The following IL17RD variants were observed in gnomAD, a reference collection of about 807,000 sequenced individuals.
IL17RD encodes interleukin-17 receptor D.
IL17RD carries 52 observed loss-of-function variants against 80.5 expected under a neutral mutation model. The ratio of observed to expected loss-of-function variants is 0.65; its 90% confidence interval spans 0.52 to 0.81. The LOEUF (loss-of-function observed/expected upper bound fraction) is 0.81. Ranked by LOEUF, IL17RD falls within the 40% of genes least tolerant of loss-of-function variation. The pLI is 0.00. For missense variants in IL17RD, 1,024 were observed against 955.1 expected, an observed-to-expected ratio of 1.07 and a Z score of -0.95; for synonymous variants, 416 against 391.8, an observed-to-expected ratio of 1.06 and a Z score of -0.73.
At position 57,095,820 on chromosome 3, in the gene IL17RD, C is replaced by T. The variant is rs1706658149; in HGVS notation, c.*573G>A. On this transcript the variant is annotated 3_prime_UTR_variant, in exon 13 of 13. Transcript: ENST00000296318. ...CAGAGACTCATTTCATAAAAGGTGA[C>T]TGTATATTCAGTCACTTTCTTGACT... 1 of 153,606 alleles carries T rather than the reference C, an allele frequency of 6.5e-6. No individual in the cohort carries two copies. The highest frequency in any genetic ancestry group is 1.4e-5 in the Non-Finnish European group (1 of 68,994). 9.5% of individuals were successfully genotyped at this position (153,606 alleles called of 1,614,324 possible).
rs1463932863 is a variant in IL17RD, at chr3:57,101,297, CTT to C, written c.1044_1045del (p.Arg351AlafsTer14). ...CTTCGGCCGCGGCCGGAGCCTCTCT[CTT>C]GGGAGTGCTGCAGTGTATGTGGAAG... On this transcript the variant is annotated frameshift_variant, in exon 11 of 13. Transcript: ENST00000296318. LOFTEE classifies it high-confidence loss of function. 1.9e-6 allele frequency: 3 copies of C among 1,613,226 alleles called. No individual in the cohort carries two copies. Among genetic ancestry groups the C allele is most frequent in the East Asian group, 2.2e-5 (1 of 44,900 alleles).
At chr3:57,159,632 G>A (rs1319323521) in intron 1 of IL17RD, among the ~76,000 whole-genome samples, 2 of 152,102 alleles carry the variant, frequency 1.3e-5, no homozygotes, top group East Asian at 1.9e-4. Context: ...TGTAGCTCCA[G>A]CACAGACAGC....
intron 1 of IL17RD, among the ~76,000 whole-genome samples, chr3:57,123,746 A>AT (rs1219793059): frequency 6.6e-6 from 1 of 152,178 alleles, no homozygotes; most frequent in Admixed American, 6.6e-5. Context: ...TCTTACATGC[A>AT]TTTTAAAGAC....
chr3:57,149,331 C>T (rs1304316968), intron 1 of IL17RD, among the ~76,000 whole-genome samples: 1 of 151,318 alleles, frequency 6.6e-6, no homozygotes, highest in Non-Finnish European at 1.5e-5. Flanking sequence ...CTTCACTCGG[C>T]AGAATTGTCC....
At chr3:57,122,905 C>G (rs1707371989) in intron 1 of IL17RD, among the ~76,000 whole-genome samples, 2 of 152,026 alleles carry the variant, frequency 1.3e-5, no homozygotes, top group Non-Finnish European at 2.9e-5. Context: ...GACCAATCAC[C>G]TTACTTGTCA....
At chr3:57,131,550 C>T (rs555053706) in intron 1 of IL17RD, among the ~76,000 whole-genome samples, 1 of 152,280 alleles carries the variant, frequency 6.6e-6, no homozygotes, top group African/African-American at 2.4e-5. Context: ...TATCCTGAGG[C>T]CTTCAGAAAA....
At chr3:57,170,053 T>A (rs1266147694), upstream of IL17RD, among the ~76,000 whole-genome samples, 1 of 152,136 alleles carries the variant, frequency 6.6e-6, no homozygotes, top group Non-Finnish European at 1.5e-5. Context: ...CTCAGCTGAT[T>A]CCTCCAGACT....
In IL17RD at chr3:57,097,933, A is replaced by G. The variant is rs1706724909; in HGVS notation, c.1770T>C (p.Asp590=). The part of the protein sequence containing the change: ...EKFDSGLVLN[D]VMCKPGPESD... ...TCTCAGGCCCTGGTTTGCACATGAC[A>G]TCATTTAAAACCAAGCCCGAATCAA... The change falls in exon 12 of 13, where the codon GAT becomes GAC. Residue 590 remains aspartate, a synonymous_variant. Transcript: ENST00000296318. 2.5e-6 allele frequency: 4 copies of G among 1,614,048 alleles called. No homozygotes were observed. The highest frequency in any genetic ancestry group is 3.4e-6 in the Non-Finnish European group (4 of 1,179,904).
chr3:57,141,087 A>G (rs538573432), intron 1 of IL17RD, among the ~76,000 whole-genome samples: 50 of 152,116 alleles, frequency 3.3e-4, no homozygotes, highest in African/African-American at 1.2e-3. Flanking sequence ...TTCTTTGTAG[A>G]GATGGGGTCT....
chr3:57,164,246 G>A (rs1230160408), intron 1 of IL17RD, among the ~76,000 whole-genome samples: 1 of 152,222 alleles, frequency 6.6e-6, no homozygotes, highest in Non-Finnish European at 1.5e-5. Flanking sequence ...GCCCACCCGG[G>A]CCTCGGTGGG....
intron 1 of IL17RD, among the ~76,000 whole-genome samples, chr3:57,137,045 T>C (rs1202691958): frequency 6.6e-6 from 1 of 151,850 alleles, no homozygotes; most frequent in Non-Finnish European, 1.5e-5. Context: ...AGCTTTGGGG[T>C]TGCGGAGGGG....
At chr3:57,141,604 T>A (rs1707829703) in intron 1 of IL17RD, among the ~76,000 whole-genome samples, 1 of 152,246 alleles carries the variant, frequency 6.6e-6, no homozygotes, top group Non-Finnish European at 1.5e-5. Context: ...TGAAGGTCTA[T>A]TTTTTGTACA....
chr3:57,143,870 C>G (rs1707876781), intron 1 of IL17RD, among the ~76,000 whole-genome samples: 1 of 152,210 alleles, frequency 6.6e-6, no homozygotes, highest in Non-Finnish European at 1.5e-5. Flanking sequence ...CAAATTAGAA[C>G]ACAGCGTTAC....
In IL17RD at chr3:57,114,946, A is replaced by G. The variant is rs1707180841; in HGVS notation, c.185-129T>C. 9.1e-6 allele frequency: 6 copies of G among 657,784 alleles called. No individual in the cohort carries two copies. In the South Asian group the frequency reaches 1.4e-4, roughly 16 times the overall value. The allele number at this position is 657,784 out of a possible 1,614,324, so 40.7% of individuals were successfully genotyped here. The stretch of plus-strand genomic sequence containing the variant: ...CATTCTGTTAAAGATGTGTCCCTCA[A>G]AAGCCCAAAATAAGACATGAGAGGT... On this transcript the variant is annotated intron_variant, in intron 2 of 12. Transcript: ENST00000296318.
chr3:57,112,512 G>A (rs1707122188), intron 3 of IL17RD, among the ~76,000 whole-genome samples: 1 of 152,074 alleles, frequency 6.6e-6, no homozygotes, highest in Non-Finnish European at 1.5e-5. Context: ...GCCCCTACTG[G>A]TCGATGTTCA....
chr3:57,105,552 A>AAAAAAAAAATATATATATATATATAT, intron 7 of IL17RD, among the ~76,000 whole-genome samples: 1 of 63,590 alleles, frequency 1.6e-5, no homozygotes, highest in African/African-American at 9.3e-5. Context: ...AAAAAAAAAA[A>AAAAAAAAAATATATATATATATATAT]ATATATATAT....
chr3:57,143,290 G>C (rs1287114166), intron 1 of IL17RD, among the ~76,000 whole-genome samples: 1 of 152,198 alleles, frequency 6.6e-6, no homozygotes, highest in Admixed American at 6.5e-5. Context: ...TATTTTGTTT[G>C]CACAGGCACA....
In IL17RD at chr3:57,143,881, A is replaced by G. The variant is rs530355302; in HGVS notation, c.126+21280T>C. On this transcript the variant is annotated intron_variant, in intron 1 of 12. Transcript: ENST00000296318. ...TTTCCAAATTAGAACACAGCGTTAC[A>G]ACTCAAGTCAATTATTTGGAATTAA... is the stretch of plus-strand genomic sequence containing the variant. Among the ~76,000 whole-genome samples, 5 of 152,330 alleles carry G rather than the reference A, an allele frequency of 3.3e-5. No homozygotes were observed. In the South Asian group the frequency reaches 1.0e-3, roughly 32 times the overall value.
upstream of IL17RD, chr3:57,169,109 G>A: frequency 2.5e-6 from 1 of 403,526 alleles, no homozygotes; most frequent in Non-Finnish European, 5.0e-6. Flanking sequence ...TAAAATGAGG[G>A]GACCAGGCCC....
Sources: gnomAD v4.1 joint callset for allele counts (sites outside exome capture counted in the v4.1 genomes callset) on GRCh38, gnomAD v4.1.1 for gene constraint, MANE v1.5 for transcripts, NCBI Gene and HGNC (gene_info 2026-07-23, HGNC 2026-07-21) for gene names.